ZNF26: variants seen among roughly 807,000 people sequenced by gnomAD.
ZNF26 encodes the protein epididymis luminal protein 179.
A neutral mutation model predicts 54.9 loss-of-function variants in ZNF26; 32 were observed. The ratio of observed to expected loss-of-function variants is 0.58; its 90% CI spans 0.44 to 0.78. The LOEUF is 0.78. ZNF26 is among the 30% of genes least tolerant of loss of function. The pLI is 0.00. For synonymous variants in ZNF26, 221 were observed against 209.2 expected (o/e 1.06, Z -0.49); for missense variants, 524 against 634.0 (o/e 0.83, Z 1.86).
chr12:132,997,752 A>G (rs12815700), intron 1 of ZNF26, among the ~76,000 whole-genome samples: 1 of 152,232 alleles, frequency 6.6e-6, no homozygotes, highest in Non-Finnish European at 1.5e-5. Flanking sequence ...GAGATACATA[A>G]CAATAATTTG....
At chr12:133,010,013 C>T (rs1714869246) in intron 3 of ZNF26, 123 bp from the exon 4 acceptor site, 9 of 998,232 alleles carry the variant, frequency 9.0e-6, no homozygotes. Context: ...TTCTTTTGAA[C>T]CAGTGTGGTA....
At position 132,986,694 on chromosome 12, in the gene ZNF26, G is replaced by A. The variant is rs1321442216; in HGVS notation, c.-147G>A. Reference sequence around the variant, plus strand: ...GTGTTGGGCGAGAGCTGAGGAGCCGGCGTCCCTGCCAACGACTCGGCCCCG... The same window carrying A: ...GTGTTGGGCGAGAGCTGAGGAGCCGACGTCCCTGCCAACGACTCGGCCCCG... On this transcript the variant is annotated 5_prime_UTR_variant, in exon 1 of 4. Transcript: ENST00000328654. 3 of 764,096 alleles carry A rather than the reference G, an allele frequency of 3.9e-6. No individual in the cohort carries two copies. The highest frequency in any genetic ancestry group is 6.3e-6 in the Non-Finnish European group (3 of 476,696). 47.3% of individuals were successfully genotyped at this position (764,096 alleles called of 1,614,324 possible). A position where few individuals can be genotyped will look rare whatever the true frequency, so the allele number is the denominator to read the frequency against.
At chr12:132,992,459 A>G (rs1952984757) in intron 1 of ZNF26, among the ~76,000 whole-genome samples, 3 of 150,816 alleles carry the variant, frequency 2.0e-5, no homozygotes, top group Non-Finnish European at 4.4e-5. Context: ...GTTTTTTGGC[A>G]TTTATCTTCT....
chr12:133,004,769 G>C (rs1404238467), intron 1 of ZNF26: 1 of 152,190 alleles, frequency 6.6e-6, no homozygotes, highest in Non-Finnish European at 1.5e-5. Context: ...TAGGCATGAG[G>C]TACCACATTT....
chr12:133,003,404 G>T (rs1317759797), intron 1 of ZNF26, among the ~76,000 whole-genome samples: 1 of 151,786 alleles, frequency 6.6e-6, no homozygotes, highest in Admixed American at 6.6e-5. Flanking sequence ...ACAGGCACCC[G>T]CCACCACGCC....
At chr12:132,988,935 C>T (rs1025545784) in intron 1 of ZNF26, among the ~76,000 whole-genome samples, 1 of 151,254 alleles carries the variant, frequency 6.6e-6, no homozygotes, top group Non-Finnish European at 1.5e-5. Flanking sequence ...ATTCAGCTTA[C>T]ACCTGTGTAC....
rs1008927239 is a variant in ZNF26, at chr12:132,986,446, G to T, written c.-395G>T. The T allele has an allele frequency of 4.5e-6, 1 of 220,630 alleles. No homozygotes were observed. The highest frequency in any genetic ancestry group is 9.1e-6 in the Non-Finnish European group (1 of 110,290). The allele number at this position is 220,630 out of a possible 1,614,324, so 13.7% of individuals were successfully genotyped here. On this transcript the variant is annotated 5_prime_UTR_variant, in exon 1 of 4. Coordinates refer to ENST00000328654, the MANE Select transcript of ZNF26 (RefSeq NM_019591.4). Reference sequence around the variant, plus strand: ...GTGGACCGGAATCTGGCCAGCGGGTGTACCTGGCTGAGTCTCTGTGGCCGC... The same window carrying T: ...GTGGACCGGAATCTGGCCAGCGGGTTTACCTGGCTGAGTCTCTGTGGCCGC...
Position 133,018,426 on chromosome 12 carries a change from T to G in ZNF26, c.*6945T>G, listed in dbSNP as rs1031723974. 2.0e-5 allele frequency: 3 copies of G among 152,158 alleles called. No homozygotes were observed. The highest frequency in any genetic ancestry group is 4.4e-5 in the Non-Finnish European group (3 of 68,024). The allele number at this position is 152,158 out of a possible 1,614,324, so 9.4% of individuals were successfully genotyped here. On this transcript the variant is annotated 3_prime_UTR_variant, in exon 4 of 4. Coordinates refer to ENST00000328654, the MANE Select transcript of ZNF26 (RefSeq NM_019591.4). ...CTTATTGGAATTAAGGTAGTATAAA[T>G]CTGAAGTAGACTCTGATAAGTTAAT... is the stretch of plus-strand genomic sequence containing the variant.
chr12:133,006,035 T>TTTTTTC lies in ZNF26; in HGVS notation c.34-1003_34-998dup, dbSNP rs1157409062. On this transcript the variant is annotated intron_variant, in intron 1 of 3. Transcript: ENST00000328654. The stretch of plus-strand genomic sequence containing the variant: ...ACTGCAAATTATGTTCCATCTATTT[T>TTTTTTC]TTTTTCTTTCTTTCATAATAGATTT... 1.6e-5 allele frequency: 16 copies of TTTTTTC among 975,152 alleles called. No individual in the cohort carries two copies. The African/African-American group carries it at 2.8e-4, about 17-fold the overall frequency. The allele number at this position is 975,152 out of a possible 1,614,324, so 60.4% of individuals were successfully genotyped here.
At chr12:133,008,938 G>A (rs1953404921) in intron 3 of ZNF26, among the ~76,000 whole-genome samples, 1 of 152,100 alleles carries the variant, frequency 6.6e-6, no homozygotes. Flanking sequence ...GGGGGAGCAA[G>A]CACATCACAT....
chr12:132,992,030 C>T (rs1397589982), intron 1 of ZNF26, among the ~76,000 whole-genome samples: 1 of 151,844 alleles, frequency 6.6e-6, no homozygotes, highest in Non-Finnish European at 1.5e-5. Context: ...TGCCTGTAGG[C>T]CTGGCTACTT....
chr12:133,024,551 G>A lies in ZNF26; in HGVS notation c.*13070G>A, dbSNP rs1429119660. The A allele has an allele frequency of 6.6e-6, 1 of 152,174 alleles. No individual in the cohort carries two copies. The highest frequency in any genetic ancestry group is 2.4e-5 in the African/African-American group (1 of 41,438). 9.4% of individuals were successfully genotyped at this position (152,174 alleles called of 1,614,324 possible). A position where few individuals can be genotyped will look rare whatever the true frequency, so the allele number is the denominator to read the frequency against. On this transcript the variant is annotated 3_prime_UTR_variant, in exon 4 of 4. Coordinates refer to ENST00000328654, the MANE Select transcript of ZNF26 (RefSeq NM_019591.4). ...CATTCCATGGAGGAAATGGTAAACA[G>A]TCTTTTCAGCTTGTAAAGCATTCTC...
chr12:132,988,358 C>G (rs901736481), intron 1 of ZNF26, among the ~76,000 whole-genome samples: 23 of 152,110 alleles, frequency 1.5e-4, no homozygotes, highest in African/African-American at 5.6e-4. Context: ...ACCTCAGCCT[C>G]CTGAGTAGCT....
At chr12:132,992,728 A>G (rs1952990308) in intron 1 of ZNF26, among the ~76,000 whole-genome samples, 1 of 152,184 alleles carries the variant, frequency 6.6e-6, no homozygotes, top group African/African-American at 2.4e-5. Flanking sequence ...CTTCTGCGCC[A>G]TTGTAAAATT....
intron 1 of ZNF26, among the ~76,000 whole-genome samples, chr12:132,991,053 T>A (rs1298030845): frequency 6.6e-6 from 1 of 151,014 alleles, no homozygotes; most frequent in African/African-American, 2.4e-5. Flanking sequence ...GAGACAGGGT[T>A]TCACTATGTT....
chr12:133,019,359 CA>C lies in ZNF26; in HGVS notation c.*7888del, dbSNP rs78743311. On this transcript the variant is annotated 3_prime_UTR_variant, in exon 4 of 4. Coordinates refer to ENST00000328654, the MANE Select transcript of ZNF26 (RefSeq NM_019591.4). Reference sequence around the variant, plus strand: ...CTATAGCAAAAACAAAGAAAAATAACAAAAAAAAAACCCCAAACTCCAGATA... The same window carrying C: ...CTATAGCAAAAACAAAGAAAAATAACAAAAAAAAACCCCAAACTCCAGATA... 140,515 of 151,552 alleles carry C rather than the reference CA, an allele frequency of 0.93. 65,330 individuals are homozygous for C. Among genetic ancestry groups the C allele is most frequent in the East Asian group, 0.99 (5,116 of 5,144 alleles). The allele number at this position is 151,552 out of a possible 1,614,324, so 9.4% of individuals were successfully genotyped here. A position where few individuals can be genotyped will look rare whatever the true frequency, so the allele number is the denominator to read the frequency against.
intron 1 of ZNF26, among the ~76,000 whole-genome samples, chr12:132,997,065 A>C (rs1593645067): frequency 6.6e-6 from 1 of 152,204 alleles, no homozygotes; most frequent in East Asian, 1.9e-4. Flanking sequence ...TTCAGAAGGG[A>C]TGTGTAAGAC....
intron 1 of ZNF26, among the ~76,000 whole-genome samples, chr12:132,996,790 C>G (rs1953094276): frequency 6.6e-6 from 1 of 152,138 alleles, no homozygotes; most frequent in African/African-American, 2.4e-5. Context: ...CATTTTCTTA[C>G]TATATTTTCT....
chr12:132,987,206 G>C (rs1434248390), intron 1 of ZNF26, among the ~76,000 whole-genome samples: 1 of 152,206 alleles, frequency 6.6e-6, no homozygotes, highest in Non-Finnish European at 1.5e-5. Flanking sequence ...GAAATGATCA[G>C]TTCCTCCTTT....
Sources: allele counts gnomAD v4.1 joint callset (sites outside exome capture counted in the v4.1 genomes callset), GRCh38; gene constraint gnomAD v4.1.1; transcripts MANE v1.5; gene names NCBI Gene and HGNC (gene_info 2026-07-23, HGNC 2026-07-21).